The following EXTL2 variants were observed in gnomAD, a reference collection of about 807,000 sequenced individuals.
EXTL2 encodes the protein exostosin like glycosyltransferase 2.
A neutral mutation model predicts 30.7 loss-of-function variants in EXTL2; 23 were observed. That is an observed-to-expected ratio of 0.75 (90% CI 0.54 to 1.06). EXTL2 has a LOEUF of 1.06. Among genes scored for constraint, EXTL2 ranks in the 50% least tolerant of loss-of-function variants. The probability of loss-of-function intolerance (pLI) is 0.00; values close to 1 mark genes in which losing one functional copy is unlikely to be tolerated. For missense variants in EXTL2, 352 were observed against 396.3 expected, an observed-to-expected ratio of 0.89 and a Z score of 0.95; for synonymous variants, 123 against 133.8, an observed-to-expected ratio of 0.92 and a Z score of 0.56.
chr1:100,882,478 A>G (rs1233927609), intron 2 of EXTL2, among the ~76,000 whole-genome samples: 1 of 152,218 alleles, frequency 6.6e-6, no homozygotes, highest in African/African-American at 2.4e-5. Flanking sequence ...TGAAAATCCT[A>G]CTGCCATTAG....
intron 2 of EXTL2, among the ~76,000 whole-genome samples, chr1:100,880,282 T>A (rs1448425251): frequency 2.0e-5 from 3 of 152,112 alleles, no homozygotes; most frequent in Non-Finnish European, 4.4e-5. Context: ...AAGGAGAAGA[T>A]CATTGTCATT....
intron 2 of EXTL2, chr1:100,888,529 G>A: frequency 5.6e-6 from 2 of 358,666 alleles, no homozygotes; most frequent in East Asian, 7.8e-5. Flanking sequence ...CAGAAAGAAT[G>A]GCAGTTGCCA....
Position 100,882,834 on chromosome 1 carries a change from C to CAAAAAACAA in EXTL2, c.6-4940_6-4932dup, listed in dbSNP as rs1485786428. ...GTGAGACTCTCATCTCATAAAAAAACAAAAAACAAAAAACACAACAAACCA... is the reference window on the plus strand; with the variant it reads ...GTGAGACTCTCATCTCATAAAAAAACAAAAAACAAAAAAAACAAAAAACACAACAAACCA... On this transcript the variant is annotated intron_variant, in intron 2 of 4. Transcript: ENST00000370114. Among the ~76,000 whole-genome samples the CAAAAAACAA allele has an allele frequency of 3.4e-3, 511 of 152,116 alleles. 2 individuals are homozygous for CAAAAAACAA. Among genetic ancestry groups the CAAAAAACAA allele is most frequent in the African/African-American group, 0.012 (489 of 41,510 alleles).
chr1:100,889,271 T>C (rs1178618389), intron 1 of EXTL2, among the ~76,000 whole-genome samples: 2 of 152,202 alleles, frequency 1.3e-5, no homozygotes, highest in African/African-American at 4.8e-5. Context: ...CCATCAGATC[T>C]TGTGAGAACT....
intron 2 of EXTL2, among the ~76,000 whole-genome samples, chr1:100,885,217 AT>A (rs1038758215): frequency 6.6e-6 from 1 of 151,968 alleles, no homozygotes; most frequent in Non-Finnish European, 1.5e-5. Flanking sequence ...CAGATCTCTG[AT>A]TTTTTTTCAC....
In EXTL2 at chr1:100,877,308, C is replaced by A. The variant is rs1214556858; in HGVS notation, c.433+168G>T. 3.3e-5 allele frequency among the ~76,000 whole-genome samples: 5 copies of A among 152,130 alleles called. No homozygotes were observed. The highest frequency in any genetic ancestry group is 1.2e-4 in the African/African-American group (5 of 41,430). ...TATTAACCTCTTCGCCAGGAAACCA[C>A]TTCTTGACATCTTGGAAATTGTCCC... On this transcript the variant is annotated intron_variant, in intron 3 of 4. Coordinates refer to ENST00000370114, the MANE Select transcript of EXTL2 (RefSeq NM_001033025.3). This position sits in a 1 kb window ranked among gnomAD's most constrained non-coding sequence, Gnocchi z 4.1.
At chr1:100,878,874 A>T (rs1296158101) in intron 2 of EXTL2, among the ~76,000 whole-genome samples, 8 of 151,984 alleles carry the variant, frequency 5.3e-5, no homozygotes, top group Non-Finnish European at 1.0e-4. Flanking sequence ...CTGGCTTTAC[A>T]TCCAGGTTGA....
In EXTL2 at chr1:100,880,994, T is replaced by A. The variant is rs369917139; in HGVS notation, c.6-3091A>T. On this transcript the variant is annotated intron_variant, in intron 2 of 4. Transcript: ENST00000370114. ...ATGTATTCTTTTAAGTAGGAGTTTA[T>A]CCCCTGTATCCATCACAGACATTTC... 9.2e-6 allele frequency: 9 copies of A among 982,530 alleles called. No individual in the cohort carries two copies. The African/African-American group carries it at 1.4e-4, about 15-fold the overall frequency. The allele number at this position is 982,530 out of a possible 1,614,324, so 60.9% of individuals were successfully genotyped here. A position where few individuals can be genotyped will look rare whatever the true frequency, so the allele number is the denominator to read the frequency against.
At chr1:100,879,033 T>C (rs757176408) in intron 2 of EXTL2, among the ~76,000 whole-genome samples, 30 of 152,288 alleles carry the variant, frequency 2.0e-4, no homozygotes, top group Non-Finnish European at 2.9e-4. Context: ...AACAAATTGA[T>C]AAGTACAGTC....
Position 100,888,753 on chromosome 1 carries a change from C to A in EXTL2, c.5G>T (p.Arg2Met). 1.3e-6 allele frequency: 2 copies of A among 1,543,386 alleles called. No individual in the cohort carries two copies. Among genetic ancestry groups the A allele is most frequent in the Non-Finnish European group, 1.8e-6 (2 of 1,126,832 alleles). Residue 2 changes from arginine (R) to methionine (M), a missense_variant and splice_region_variant, in exon 2 of 5, where the codon AGG becomes ATG. Physicochemically the swap from Arg to Met is moderately conservative, Grantham distance 91 (BLOSUM62 -1). Transcript: ENST00000370114. ...AAAGCCAAAAAATATTGGTACTTAC[C>A]TCATTGTGTTGAAGTTTAATTTTTA... M[R>M]CCHICKLPGR...
At chr1:100,881,122 G>T in intron 2 of EXTL2, 1 of 733,960 alleles carries the variant, frequency 1.4e-6, no homozygotes, top group Non-Finnish European at 1.7e-6. Context: ...TATTTCATGA[G>T]GTATTTATTA....
At chr1:100,894,001 C>T (rs927504414) in intron 1 of EXTL2, among the ~76,000 whole-genome samples, 1 of 152,132 alleles carries the variant, frequency 6.6e-6, no homozygotes, top group Admixed American at 6.6e-5. Flanking sequence ...CTCCATAAAC[C>T]ACTTAAGCGA....
At chr1:100,878,940 A>G (rs1649346222) in intron 2 of EXTL2, among the ~76,000 whole-genome samples, 1 of 152,012 alleles carries the variant, frequency 6.6e-6, no homozygotes, top group Admixed American at 6.6e-5. Flanking sequence ...ACAAATCACA[A>G]GGTATTATTA....
intron 2 of EXTL2, among the ~76,000 whole-genome samples, chr1:100,885,278 C>G (rs528702379): frequency 6.6e-6 from 1 of 152,288 alleles, no homozygotes; most frequent in Non-Finnish European, 1.5e-5. Context: ...ATCCCTGTTT[C>G]TATGAAAGCT....
At chr1:100,883,725 A>T (rs1277004035) in intron 2 of EXTL2, among the ~76,000 whole-genome samples, 3 of 152,108 alleles carry the variant, frequency 2.0e-5, no homozygotes, top group African/African-American at 7.2e-5. Flanking sequence ...ACAAGTTTTT[A>T]TGTGAACCTA....
chr1:100,873,832 G>C lies in EXTL2; in HGVS notation c.*110C>G. 1 of 1,129,024 alleles carries C rather than the reference G, an allele frequency of 8.9e-7. No homozygotes were observed. Among genetic ancestry groups the C allele is most frequent in the South Asian group, 1.8e-5 (1 of 56,800 alleles). The allele number at this position is 1,129,024 out of a possible 1,614,324, so 69.9% of individuals were successfully genotyped here. On this transcript the variant is annotated 3_prime_UTR_variant, in exon 5 of 5. Coordinates refer to ENST00000370114, the MANE Select transcript of EXTL2 (RefSeq NM_001033025.3). ...GCACTGCACTTTTTTTTCTATTGTAGAGACTTCTGGAGTAGATAAAATTCA... is the reference window on the plus strand; with the variant it reads ...GCACTGCACTTTTTTTTCTATTGTACAGACTTCTGGAGTAGATAAAATTCA...
At chr1:100,875,219 GCAGAACTAGGGACA>G (rs1345057569) in intron 4 of EXTL2, among the ~76,000 whole-genome samples, 2 of 122,636 alleles carry the variant, frequency 1.6e-5, no homozygotes, top group Admixed American at 1.7e-4. Context: ...TTGAACAGAT[GCAGAACTAGGGACA>G]CACACACACA....
chr1:100,881,103 T>C (rs1649519058), intron 2 of EXTL2: 4 of 841,668 alleles, frequency 4.8e-6, no homozygotes, highest in Non-Finnish European at 5.7e-6. Flanking sequence ...TTTAGAAACA[T>C]AGTGTAAATA....
rs1649208903 is a variant in EXTL2, at chr1:100,877,419, T to A, written c.433+57A>T. The A allele has an allele frequency of 6.9e-7, 1 of 1,439,454 alleles. No homozygotes were observed. The highest frequency in any genetic ancestry group is 9.3e-7 in the Non-Finnish European group (1 of 1,074,742). The allele number at this position is 1,439,454 out of a possible 1,614,324, so 89.2% of individuals were successfully genotyped here. On this transcript the variant is annotated intron_variant, in intron 3 of 4. Coordinates refer to ENST00000370114, the MANE Select transcript of EXTL2 (RefSeq NM_001033025.3). The surrounding 1 kb of genome is among the most constrained non-coding windows in gnomAD (Gnocchi z 4.1). ...GCAGAAGGCCAGAAATTCACATGTC[T>A]GTCCCAGCTCTGGACAGCGGCAGCC...
Sources: gnomAD v4.1 joint callset for allele counts (sites outside exome capture counted in the v4.1 genomes callset) on GRCh38, gnomAD v4.1.1 for gene constraint, Gnocchi (gnomAD v3.1) non-coding constraint, MANE v1.5 for transcripts, NCBI Gene and HGNC (gene_info 2026-07-23, HGNC 2026-07-21) for gene names.